The following FSHR variants were observed in gnomAD, a reference collection of about 807,000 sequenced individuals.
FSHR encodes follicle stimulating hormone receptor, also known as follicle-stimulating hormone receptor.
In FSHR, 46 loss-of-function variants were observed where a neutral mutation model predicts 52.1. That is an observed-to-expected ratio of 0.88 (90% CI 0.70 to 1.13). The LOEUF (loss-of-function observed/expected upper bound fraction) is 1.13, where lower values mean the gene tolerates loss of function less well. FSHR is among the 50% of genes most tolerant of loss of function. The probability of loss-of-function intolerance (pLI) is 0.00; values close to 1 mark genes in which losing one functional copy is unlikely to be tolerated. For synonymous variants in FSHR, 399 were observed against 309.6 expected (o/e 1.29, Z -3.03); for missense variants, 964 against 834.6 (o/e 1.16, Z -1.91).
intron 1 of FSHR, among the ~76,000 whole-genome samples, chr2:49,101,975 C>T (rs948018428): frequency 2.6e-5 from 4 of 152,116 alleles, no homozygotes; most frequent in African/African-American, 7.2e-5. Context: ...TCAGAGCCCT[C>T]ATGACCTAGT....
chr2:49,067,641 C>A (rs952595408), intron 2 of FSHR, among the ~76,000 whole-genome samples: 6 of 152,074 alleles, frequency 3.9e-5, no homozygotes, highest in Non-Finnish European at 5.9e-5. Flanking sequence ...TTTGAGAAAA[C>A]CATGTCTTGG....
intron 1 of FSHR, among the ~76,000 whole-genome samples, chr2:49,073,846 G>A (rs1213521972): frequency 6.6e-6 from 1 of 151,964 alleles, no homozygotes; most frequent in Non-Finnish European, 1.5e-5. Flanking sequence ...TAGAAACATA[G>A]ACCAGAAGAA....
At chr2:49,075,613 C>G (rs1267262863) in intron 1 of FSHR, among the ~76,000 whole-genome samples, 1 of 151,978 alleles carries the variant, frequency 6.6e-6, no homozygotes, top group Non-Finnish European at 1.5e-5. Flanking sequence ...TTAGAGAACT[C>G]TACAATTTTA....
intron 1 of FSHR, among the ~76,000 whole-genome samples, chr2:49,074,577 C>A (rs1031614095): frequency 6.6e-6 from 1 of 152,024 alleles, no homozygotes; most frequent in Non-Finnish European, 1.5e-5. Context: ...GGAAAATAAA[C>A]TAGTACAGAC....
intron 1 of FSHR, among the ~76,000 whole-genome samples, chr2:49,112,523 A>T (rs1671457911): frequency 6.6e-6 from 1 of 152,182 alleles, no homozygotes; most frequent in Admixed American, 6.6e-5. Context: ...ATTTTTTAAT[A>T]TGTTAAAAAT....
chr2:49,138,337 C>G (rs1672558733), intron 1 of FSHR, among the ~76,000 whole-genome samples: 1 of 152,130 alleles, frequency 6.6e-6, no homozygotes, highest in Non-Finnish European at 1.5e-5. Context: ...CACGACTCAG[C>G]TATTGCACTC....
At chr2:49,121,858 C>T (rs142964681) in intron 1 of FSHR, among the ~76,000 whole-genome samples, 20 of 152,098 alleles carry the variant, frequency 1.3e-4, no homozygotes, top group African/African-American at 4.1e-4. Flanking sequence ...CTCATCCTTT[C>T]GTGATCTGTA....
rs1674277099 is a variant in FSHR, at chr2:48,962,647, GAAGCACTGT to G, written c.*77_*85del. 3.7e-6 allele frequency: 5 copies of G among 1,338,426 alleles called. No homozygotes were observed. The highest frequency in any genetic ancestry group is 4.3e-6 in the Non-Finnish European group (4 of 935,552). 82.9% of individuals were successfully genotyped at this position (1,338,426 alleles called of 1,614,324 possible). A position where few individuals can be genotyped will look rare whatever the true frequency, so the allele number is the denominator to read the frequency against. On this transcript the variant is annotated 3_prime_UTR_variant, in exon 10 of 10. Coordinates refer to ENST00000406846, the MANE Select transcript of FSHR (RefSeq NM_000145.4). ...AATATTAAATTAGATGAAATGTGTAGAAGCACTGTCAGCTCTTTGTGACATACCCTTCAA... is the reference window on the plus strand; with the variant it reads ...AATATTAAATTAGATGAAATGTGTAGCAGCTCTTTGTGACATACCCTTCAA...
intron 1 of FSHR, among the ~76,000 whole-genome samples, chr2:49,117,803 A>G (rs555008577): frequency 6.6e-6 from 1 of 152,278 alleles, no homozygotes; most frequent in East Asian, 1.9e-4. Flanking sequence ...AAAGGGAATT[A>G]TTTCAATTGT....
chr2:49,136,128 C>A (rs1672479896), intron 1 of FSHR, among the ~76,000 whole-genome samples: 1 of 151,542 alleles, frequency 6.6e-6, no homozygotes, highest in Non-Finnish European at 1.5e-5. Flanking sequence ...GATAGAATGA[C>A]CAAGAAGAAA....
At chr2:49,010,118 G>T (rs1667216248) in intron 4 of FSHR, among the ~76,000 whole-genome samples, 1 of 76,576 alleles carries the variant, frequency 1.3e-5, no homozygotes, top group Non-Finnish European at 3.5e-5. Flanking sequence ...TTTTCAAAGG[G>T]AATGCTTCCA....
At chr2:48,990,519 A>C (rs776251039) in intron 5 of FSHR, 47 bp downstream of exon 5, 3 of 1,225,362 alleles carry the variant, frequency 2.4e-6, no homozygotes, top group Non-Finnish European at 3.6e-6. Flanking sequence ...GTTGGGCAAG[A>C]CAGATACTGA....
At chr2:49,031,096 T>G (rs902209916) in intron 2 of FSHR, among the ~76,000 whole-genome samples, 1 of 152,170 alleles carries the variant, frequency 6.6e-6, no homozygotes, top group African/African-American at 2.4e-5. Context: ...TTCAGGCCTT[T>G]GCTGTACCTT....
intron 1 of FSHR, among the ~76,000 whole-genome samples, chr2:49,117,784 C>G (rs1671658272): frequency 6.6e-6 from 1 of 152,152 alleles, no homozygotes; most frequent in South Asian, 2.1e-4. Flanking sequence ...ATTTGCTTGA[C>G]CATTCTTGAA....
intron 2 of FSHR, among the ~76,000 whole-genome samples, chr2:49,028,715 T>C (rs1667993669): frequency 6.6e-6 from 1 of 152,186 alleles, no homozygotes; most frequent in African/African-American, 2.4e-5. Context: ...GCCTGGTCCT[T>C]CACCCACCAT....
At chr2:49,045,448 T>A (rs1360195820) in intron 2 of FSHR, among the ~76,000 whole-genome samples, 2 of 152,206 alleles carry the variant, frequency 1.3e-5, no homozygotes, top group Non-Finnish European at 2.9e-5. Context: ...CTCATTGAAT[T>A]TAACTAAAAG....
intron 1 of FSHR, among the ~76,000 whole-genome samples, chr2:49,083,590 C>A (rs1246771078): frequency 6.7e-6 from 1 of 148,430 alleles, no homozygotes; most frequent in Admixed American, 6.8e-5. Context: ...GTGCTGTATT[C>A]AGGAAACCCA....
At chr2:49,152,549 A>G (rs943481884) in intron 1 of FSHR, among the ~76,000 whole-genome samples, 5 of 149,968 alleles carry the variant, frequency 3.3e-5, no homozygotes, top group Admixed American at 1.3e-4. Flanking sequence ...TTTTTGGCCT[A>G]TGTTTTCTCT....
At chr2:49,032,796 G>T (rs981314902) in intron 2 of FSHR, among the ~76,000 whole-genome samples, 1 of 152,134 alleles carries the variant, frequency 6.6e-6, no homozygotes, top group African/African-American at 2.4e-5. Flanking sequence ...GCAGCATACT[G>T]GTGTTATGGA....
Sources: gnomAD v4.1 joint callset for allele counts (sites outside exome capture counted in the v4.1 genomes callset) on GRCh38, gnomAD v4.1.1 for gene constraint, MANE v1.5 for transcripts, NCBI Gene and HGNC (gene_info 2026-07-23, HGNC 2026-07-21) for gene names.